The following HFM1 variants were observed in gnomAD, a reference collection of about 807,000 sequenced individuals.
HFM1 encodes helicase for meiosis 1.
A neutral mutation model predicts 192.1 loss-of-function variants in HFM1; 169 were observed. The observed-to-expected ratio is 0.88, with a 90% confidence interval of 0.78 to 1.00. HFM1 has a LOEUF of 1.00. Ranked by LOEUF, HFM1 falls within the 50% of genes least tolerant of loss-of-function variation. The pLI is 0.00. For missense variants in HFM1, 1,661 were observed against 1,668.0 expected, an observed-to-expected ratio of 1.00 and a Z score of 0.07; for synonymous variants, 525 against 537.8, an observed-to-expected ratio of 0.98 and a Z score of 0.33.
chr1:91,262,464 G>A lies in HFM1; in HGVS notation c.4086+17C>T, dbSNP rs370715340. The A allele has an allele frequency of 6.4e-7, 1 of 1,569,986 alleles. No individual in the cohort carries two copies. The highest frequency in any genetic ancestry group is 8.7e-7 in the Non-Finnish European group (1 of 1,147,438). On this transcript the variant is annotated intron_variant, in intron 37 of 38. Coordinates refer to ENST00000370425, the MANE Select transcript of HFM1 (RefSeq NM_001017975.6). ...GGGCAAAATTTAAAAGAAAAACAAAGAAGTGCTTCTTCTTACAATAACTGC... is the reference window on the plus strand; with the variant it reads ...GGGCAAAATTTAAAAGAAAAACAAAAAAGTGCTTCTTCTTACAATAACTGC...
chr1:91,305,936 AAC>A (rs1430119456), intron 30 of HFM1, among the ~76,000 whole-genome samples: 35 of 152,352 alleles, frequency 2.3e-4, no homozygotes, highest in African/African-American at 7.9e-4. Flanking sequence ...TAGAAATAAT[AAC>A]ACAGAGCATT....
At chr1:91,389,969 G>T (rs1336571073) in intron 4 of HFM1, among the ~76,000 whole-genome samples, 1 of 151,976 alleles carries the variant, frequency 6.6e-6, no homozygotes, top group African/African-American at 2.4e-5. Context: ...TCTACTTCTG[G>T]GTTTATATCC....
Position 91,381,311 on chromosome 1 carries a change from G to C in HFM1, c.803-329C>G, listed in dbSNP as rs923091038. ...CTTCTAGTTTATCTTTTCCAGAGTA[G>C]TGCTTTTTCTTATTTACCTTGACAA... is the stretch of plus-strand genomic sequence containing the variant. On this transcript the variant is annotated intron_variant, in intron 6 of 38. Coordinates refer to ENST00000370425, the MANE Select transcript of HFM1 (RefSeq NM_001017975.6). Among the ~76,000 whole-genome samples, 38 of 152,154 alleles carry C rather than the reference G, an allele frequency of 2.5e-4. 1 individual carries two copies. Among genetic ancestry groups the C allele is most frequent in the African/African-American group, 8.2e-4 (34 of 41,430 alleles).
At chr1:91,305,263 G>C (rs1363625940) in intron 30 of HFM1, among the ~76,000 whole-genome samples, 1 of 152,150 alleles carries the variant, frequency 6.6e-6, no homozygotes, top group Non-Finnish European at 1.5e-5. Flanking sequence ...TATGAGAAGT[G>C]CTGCCATCTT....
chr1:91,287,290 C>A (rs1254860826), intron 30 of HFM1, among the ~76,000 whole-genome samples: 1 of 152,204 alleles, frequency 6.6e-6, no homozygotes, highest in Non-Finnish European at 1.5e-5. Context: ...AGCAGTGGTT[C>A]TCCCAGCATG....
At position 91,350,881 on chromosome 1, in the gene HFM1, A is replaced by G. The variant is rs964892961; in HGVS notation, c.2073-10T>C. 4 of 1,560,968 alleles carry G rather than the reference A, an allele frequency of 2.6e-6. No individual in the cohort carries two copies. The highest frequency in any genetic ancestry group is 1.7e-5 in the Admixed American group (1 of 57,728). On this transcript the variant is annotated splice_polypyrimidine_tract_variant and intron_variant, in intron 17 of 38. Transcript: ENST00000370425. ...AAGATGTCTGTGCAAACTAATGAAA[A>G]AAAACTTTGCATTATGAATATGCAG...
intron 34 of HFM1, among the ~76,000 whole-genome samples, chr1:91,270,665 T>TTCA (rs1666206154): frequency 1.3e-5 from 2 of 151,350 alleles, no homozygotes; most frequent in Non-Finnish European, 2.9e-5. Flanking sequence ...ACCAACATAA[T>TTCA]GGTTTTACTG....
Position 91,314,048 on chromosome 1 carries a change from C to G in HFM1, c.3153G>C (p.Leu1051Phe). 6.2e-7 allele frequency: 1 copy of G among 1,602,208 alleles called. No homozygotes were observed. Among genetic ancestry groups the G allele is most frequent in the Non-Finnish European group, 8.5e-7 (1 of 1,170,776 alleles). ...TTTTAGCCCAACTTCCAGCTTTTAGCAAAACAGAATCCCTGAAAAATAGTA... is the reference window on the plus strand; with the variant it reads ...TTTTAGCCCAACTTCCAGCTTTTAGGAAAACAGAATCCCTGAAAAATAGTA... Reference protein sequence around the residue: ...VYLHKITDSVLLKAGSWAKKI... With the variant: ...VYLHKITDSVFLKAGSWAKKI... The change falls in exon 29 of 39, where the codon TTG becomes TTC. Residue 1051 changes from leucine to phenylalanine, a missense_variant. By Grantham distance (22) the Leu-to-Phe change is conservative (BLOSUM62 0). Coordinates refer to ENST00000370425, the MANE Select transcript of HFM1 (RefSeq NM_001017975.6).
At chr1:91,388,781 A>G (rs1387113404) in intron 4 of HFM1, among the ~76,000 whole-genome samples, 2 of 91,164 alleles carry the variant, frequency 2.2e-5, no homozygotes, top group East Asian at 6.5e-4. Context: ...CATAAGCATA[A>G]AAGAAAAATT....
chr1:91,322,345 A>G (rs1053791805), intron 23 of HFM1, among the ~76,000 whole-genome samples: 2 of 152,234 alleles, frequency 1.3e-5, no homozygotes, highest in African/African-American at 2.4e-5. Flanking sequence ...ATTGAAAAAG[A>G]TCATTTCACC....
At chr1:91,354,717 G>A (rs761979031) in intron 13 of HFM1, among the ~76,000 whole-genome samples, 10 of 152,054 alleles carry the variant, frequency 6.6e-5, no homozygotes, top group East Asian at 1.9e-4. Flanking sequence ...AGACAATATT[G>A]CCAGTAAACA....
intron 30 of HFM1, among the ~76,000 whole-genome samples, chr1:91,284,173 C>T (rs987712428): frequency 6.6e-6 from 1 of 152,026 alleles, no homozygotes; most frequent in East Asian, 1.9e-4. Flanking sequence ...TAAATGTACA[C>T]ACAATGTGCC....
At chr1:91,280,167 A>G (rs1053873168) in intron 30 of HFM1, among the ~76,000 whole-genome samples, 3 of 152,304 alleles carry the variant, frequency 2.0e-5, no homozygotes, top group African/African-American at 7.2e-5. Flanking sequence ...ACATCATGCT[A>G]TGTGGTAACA....
Position 91,267,933 on chromosome 1 carries a change from ACT to A in HFM1, c.3773-80_3773-79del, listed in dbSNP as rs1468181310. 3 of 758,980 alleles carry A rather than the reference ACT, an allele frequency of 4.0e-6. No individual in the cohort carries two copies. The African/African-American group carries it at 5.4e-5, about 14-fold the overall frequency. 47.0% of individuals were successfully genotyped at this position (758,980 alleles called of 1,614,324 possible). On this transcript the variant is annotated intron_variant, in intron 34 of 38. Transcript: ENST00000370425. The stretch of plus-strand genomic sequence containing the variant: ...TATATTAAGATTTCTGTTGAAGAAC[ACT>A]GTTTGAGAGACTTTCTCATTTGAAG...
chr1:91,377,923 TAAAGG>T (rs1236274735), intron 11 of HFM1, 97 bp downstream of exon 11: 8 of 1,008,632 alleles, frequency 7.9e-6, no homozygotes, highest in Non-Finnish European at 1.2e-5. Flanking sequence ...ACTTTCCTAT[TAAAGG>T]AAAGGACAAA....
At chr1:91,336,836 C>A (rs113550410) in intron 20 of HFM1, among the ~76,000 whole-genome samples, 1 of 152,276 alleles carries the variant, frequency 6.6e-6, no homozygotes, top group East Asian at 1.9e-4. Flanking sequence ...CAACCTAAAT[C>A]CCCATCAATG....
rs149187565 is a variant in HFM1, at chr1:91,397,822, G to A, written c.72-1417C>T. Reference sequence around the variant, plus strand: ...AGAGTCTTCTCCCAGCAGACTCTGCGGGAGGCACTTAATTATCTGAGTAAT... The same window carrying A: ...AGAGTCTTCTCCCAGCAGACTCTGCAGGAGGCACTTAATTATCTGAGTAAT... On this transcript the variant is annotated intron_variant, in intron 2 of 38. Transcript: ENST00000370425. 6.7e-3 allele frequency among the ~76,000 whole-genome samples: 1,014 copies of A among 152,290 alleles called. 6 individuals carry two copies. The highest frequency in any genetic ancestry group is 0.048 in the Middle Eastern group (14 of 292).
chr1:91,293,441 T>C (rs1169643065), intron 30 of HFM1, among the ~76,000 whole-genome samples: 27 of 151,938 alleles, frequency 1.8e-4, no homozygotes, highest in African/African-American at 3.1e-4. Flanking sequence ...AAAAAACACA[T>C]GAAAAAAGGC....
At chr1:91,277,703 T>TATATACACTATATATA (rs1667008376) in intron 30 of HFM1, among the ~76,000 whole-genome samples, 1 of 40,516 alleles carries the variant, frequency 2.5e-5, no homozygotes, top group African/African-American at 1.8e-4. Flanking sequence ...TAATATATAT[T>TATATACACTATATATA]ATATATACTT....
Sources: gnomAD v4.1 joint callset for allele counts (sites outside exome capture counted in the v4.1 genomes callset) on GRCh38, gnomAD v4.1.1 for gene constraint, MANE v1.5 for transcripts, NCBI Gene and HGNC (gene_info 2026-07-23, HGNC 2026-07-21) for gene names.